CDH9: variants seen among roughly 807,000 people sequenced by gnomAD.
The protein encoded by CDH9 is cadherin-9.
CDH9 carries 28 observed loss-of-function variants against 70.9 expected under a neutral mutation model. The observed-to-expected ratio is 0.40, with a 90% confidence interval of 0.29 to 0.54. The LOEUF is 0.54. CDH9 is among the 20% of genes least tolerant of loss of function. CDH9 has a pLI of 0.59. For missense variants in CDH9, 874 were observed against 984.4 expected, an observed-to-expected ratio of 0.89 and a Z score of 1.50; for synonymous variants, 409 against 343.1, an observed-to-expected ratio of 1.19 and a Z score of -2.12.
intron 3 of CDH9, among the ~76,000 whole-genome samples, chr5:26,914,062 A>G (rs74955416): frequency 0.11 from 17,306 of 152,024 alleles, 1,648 homozygotes; most frequent in East Asian, 0.49. Flanking sequence ...GTGTATTCAC[A>G]TTTAAAATAA....
rs1466007380 is a variant in CDH9 at position 26,895,978 on chromosome 5, A to G, written c.1254-5414T>C. 4.6e-5 allele frequency among the ~76,000 whole-genome samples: 7 copies of G among 152,132 alleles called. No homozygotes were observed. In the East Asian group the frequency reaches 1.4e-3, roughly 29 times the overall value. On this transcript the variant is annotated intron_variant, in intron 7 of 11. Transcript: ENST00000231021. ...TTTTTTGCATACATTTTGAATGCTA[A>G]CAGAAGCCATCCTCTGTGCTATGCT...
At chr5:27,037,320 C>T (rs1331967595) in intron 1 of CDH9, among the ~76,000 whole-genome samples, 1 of 151,898 alleles carries the variant, frequency 6.6e-6, no homozygotes, top group East Asian at 1.9e-4. Flanking sequence ...GGAATCTCAT[C>T]TACCTATAAT....
chr5:26,911,897 A>G (rs1416609460), intron 3 of CDH9, among the ~76,000 whole-genome samples: 1 of 152,134 alleles, frequency 6.6e-6, no homozygotes, highest in East Asian at 1.9e-4. Flanking sequence ...ATGGCATATG[A>G]TTGTGACAGA....
chr5:26,943,286 C>A (rs1008302114), intron 2 of CDH9, among the ~76,000 whole-genome samples: 9 of 151,938 alleles, frequency 5.9e-5, no homozygotes, highest in Admixed American at 2.0e-4. Context: ...CCGAGGCGGG[C>A]AGATCACCTG....
At chr5:26,983,095 G>C (rs914566116) in intron 2 of CDH9, among the ~76,000 whole-genome samples, 1 of 152,118 alleles carries the variant, frequency 6.6e-6, no homozygotes, top group Admixed American at 6.6e-5. Context: ...GTAAGACATA[G>C]AGTGAACAAC....
intron 2 of CDH9, among the ~76,000 whole-genome samples, chr5:26,919,026 G>A (rs919027368): frequency 2.0e-5 from 3 of 152,134 alleles, no homozygotes; most frequent in East Asian, 3.9e-4. Context: ...AGGCAGCCAA[G>A]TTCAAGCCTA....
intron 1 of CDH9, among the ~76,000 whole-genome samples, chr5:26,995,589 A>C (rs1434649065): frequency 1.3e-5 from 2 of 152,130 alleles, no homozygotes; most frequent in Non-Finnish European, 2.9e-5. Flanking sequence ...TCTTGGGGCC[A>C]ATTTAACACC....
intron 1 of CDH9, chr5:27,028,450 T>C (rs756419931): frequency 1.3e-5 from 2 of 151,934 alleles, no homozygotes; most frequent in Non-Finnish European, 2.9e-5. Flanking sequence ...GTATACTGCA[T>C]AGGGCTTGAT....
intron 3 of CDH9, among the ~76,000 whole-genome samples, chr5:26,907,413 T>C (rs961456901): frequency 6.6e-5 from 10 of 152,088 alleles, no homozygotes; most frequent in African/African-American, 2.2e-4. Flanking sequence ...CTTTTAAATA[T>C]AGATAATATG....
chr5:26,999,429 C>A (rs528760522), intron 1 of CDH9, among the ~76,000 whole-genome samples: 1 of 151,948 alleles, frequency 6.6e-6, no homozygotes, highest in Non-Finnish European at 1.5e-5. Context: ...AATTTAATGG[C>A]AAATGTTACC....
In CDH9 at chr5:27,000,210, TTCTGCAAAGATA is replaced by T. The variant is rs1742740527; in HGVS notation, c.-49-11840_-49-11829del. The stretch of plus-strand genomic sequence containing the variant: ...AAGAATACAAAAATATCATCAAAAG[TTCTGCAAAGATA>T]TCTAACCAAAGAAGATATACATATG... On this transcript the variant is annotated intron_variant, in intron 1 of 11. Transcript: ENST00000231021. 3.9e-5 allele frequency among the ~76,000 whole-genome samples: 6 copies of T among 152,088 alleles called. No individual in the cohort carries two copies. In the South Asian group the frequency reaches 1.0e-3, roughly 26 times the overall value.
intron 1 of CDH9, among the ~76,000 whole-genome samples, chr5:27,013,705 A>G (rs560775861): frequency 4.1e-4 from 63 of 151,970 alleles, no homozygotes; most frequent in Middle Eastern, 3.2e-3. Context: ...TGCAAGAAAA[A>G]AATACTGTTT....
chr5:26,980,667 A>G (rs1358330221), intron 2 of CDH9, among the ~76,000 whole-genome samples: 3 of 151,998 alleles, frequency 2.0e-5, no homozygotes, highest in African/African-American at 4.8e-5. Flanking sequence ...GTAGTTTCTA[A>G]ACAAACAAAC....
chr5:26,899,159 G>A (rs566407548), intron 7 of CDH9, among the ~76,000 whole-genome samples: 4 of 150,880 alleles, frequency 2.7e-5, no homozygotes, highest in Non-Finnish European at 5.9e-5. Context: ...CCATCAAAAA[G>A]TGAGGAAGCA....
chr5:26,982,261 T>C (rs944752524), intron 2 of CDH9, among the ~76,000 whole-genome samples: 4 of 152,076 alleles, frequency 2.6e-5, no homozygotes, highest in African/African-American at 9.7e-5. Context: ...TAAAACAAAA[T>C]TAAACATACA....
intron 2 of CDH9, among the ~76,000 whole-genome samples, chr5:26,925,359 A>G (rs6898673): frequency 0.096 from 14,574 of 152,064 alleles, 878 homozygotes; most frequent in East Asian, 0.17. Flanking sequence ...TTTGAGAAGT[A>G]TCTGTTCATA....
At chr5:26,915,996 T>C in intron 2 of CDH9, 72 bp from the exon 3 acceptor site, 5 of 1,001,724 alleles carry the variant, frequency 5.0e-6, no homozygotes, top group Non-Finnish European at 3.0e-6. Context: ...ATTTTGGCGC[T>C]ATCAATTCGT....
chr5:26,939,805 T>C (rs1182500613), intron 2 of CDH9, among the ~76,000 whole-genome samples: 2 of 152,162 alleles, frequency 1.3e-5, no homozygotes, highest in African/African-American at 4.8e-5. Flanking sequence ...CATGCATGCA[T>C]GGCTTTTTCC....
chr5:26,973,021 A>T (rs1165872921), intron 2 of CDH9, among the ~76,000 whole-genome samples: 1 of 151,910 alleles, frequency 6.6e-6, no homozygotes, highest in East Asian at 1.9e-4. Flanking sequence ...GTGCTACCAC[A>T]CTCGGCTAAT....
Sources: allele counts gnomAD v4.1 joint callset (sites outside exome capture counted in the v4.1 genomes callset), GRCh38; gene constraint gnomAD v4.1.1; transcripts MANE v1.5; gene names NCBI Gene and HGNC (gene_info 2026-07-23, HGNC 2026-07-21).